Variants in KANK1 observed in about 807,000 individuals in gnomAD.
KANK1 encodes KN motif and ankyrin repeat domains 1, also known as KN motif and ankyrin repeat domain-containing protein 1.
In KANK1, 109 loss-of-function variants were observed where a neutral mutation model predicts 106.2. That is an observed-to-expected ratio of 1.03 (90% confidence interval 0.88 to 1.20). The LOEUF is 1.20. KANK1 is among the 50% of genes most tolerant of loss of function. KANK1 has a pLI of 0.00. For missense variants in KANK1, 2,399 were observed against 1,710.7 expected (o/e 1.40, Z -7.10); for synonymous variants, 873 against 652.2 (o/e 1.34, Z -5.16).
At chr9:653,451 A>C (rs770039075) in intron 1 of KANK1, among the ~76,000 whole-genome samples, 1 of 152,144 alleles carries the variant, frequency 6.6e-6, no homozygotes, top group Non-Finnish European at 1.5e-5. Context: ...GATTAAATTA[A>C]TAGGACTTTT....
Position 734,774 on chromosome 9 carries a change from C to G in KANK1, c.3272C>G (p.Ser1091Cys). Residue 1091 changes from serine (S) to cysteine (C), a missense_variant, in exon 7 of 12, where the codon TCT becomes TGT. Physicochemically the swap from Ser to Cys is moderately radical, Grantham distance 112. Coordinates refer to ENST00000382297, the MANE Select transcript of KANK1 (RefSeq NM_015158.5). Reference protein sequence around the residue: ...ERYELSEKMLSACNLLKNTIN... With the variant: ...ERYELSEKMLCACNLLKNTIN... Reference sequence around the variant, plus strand: ...TATGAATTAAGTGAAAAGATGTTGTCTGCATGCAACTTACTGAAAAATACT... The same window carrying G: ...TATGAATTAAGTGAAAAGATGTTGTGTGCATGCAACTTACTGAAAAATACT... 1 of 1,613,108 alleles carries G rather than the reference C, an allele frequency of 6.2e-7. No individual in the cohort carries two copies. The highest frequency in any genetic ancestry group is 1.1e-5 in the South Asian group (1 of 91,058).
chr9:730,274 GGC>G lies in KANK1; in HGVS notation c.2896+27_2896+28del, dbSNP rs561574315. 1.5e-4 allele frequency: 246 copies of G among 1,610,124 alleles called. No homozygotes were observed. In the East Asian group the frequency reaches 5.0e-3, roughly 33 times the overall value. ...GTAACTTTTCTCACTCACAGTCATT[GGC>G]ATCAGGATTCTAGGGCCAGCATTGC... On this transcript the variant is annotated intron_variant, in intron 4 of 11. Transcript: ENST00000382297.
chr9:554,705 A>C (rs1002339271), intron 1 of KANK1, among the ~76,000 whole-genome samples: 1 of 152,224 alleles, frequency 6.6e-6, no homozygotes, highest in Non-Finnish European at 1.5e-5. Flanking sequence ...TAGGAATGCT[A>C]TGTTTTCTAG....
intron 7 of KANK1, among the ~76,000 whole-genome samples, chr9:735,531 G>A (rs971652286): frequency 2.0e-5 from 3 of 152,208 alleles, no homozygotes; most frequent in Non-Finnish European, 4.4e-5. Context: ...TAACCCCCTG[G>A]TTGACAGCTG....
chr9:486,468 G>A (rs1361745535), intron 3 of KANK1, among the ~76,000 whole-genome samples: 1 of 151,976 alleles, frequency 6.6e-6, no homozygotes, highest in Admixed American at 6.6e-5. Context: ...TGCCTTATGG[G>A]GTAGGTATTA....
intron 3 of KANK1, among the ~76,000 whole-genome samples, chr9:495,911 G>A (rs1554721210): frequency 6.6e-6 from 1 of 152,060 alleles, no homozygotes; most frequent in Non-Finnish European, 1.5e-5. Context: ...CCTTGCTGAG[G>A]AAGAAAAGCT....
rs561346373 is a variant in KANK1, at chr9:631,312, C to G, written c.-83-45578C>G. Among the ~76,000 whole-genome samples, 13 of 152,238 alleles carry G rather than the reference C, an allele frequency of 8.5e-5. No homozygotes were observed. In the South Asian group the frequency reaches 2.7e-3, roughly 32 times the overall value. The stretch of plus-strand genomic sequence containing the variant: ...AAATGCTGTGCGGCCTCATTAGCAC[C>G]CCAGGATTTGTGGGGCTCCCCCTGG... On this transcript the variant is annotated intron_variant, in intron 1 of 11. Coordinates refer to ENST00000382297, the MANE Select transcript of KANK1 (RefSeq NM_015158.5).
chr9:562,561 C>T (rs1289503499), intron 1 of KANK1, among the ~76,000 whole-genome samples: 1 of 152,190 alleles, frequency 6.6e-6, no homozygotes, highest in South Asian at 2.1e-4. Context: ...TCCAGCTTCA[C>T]TGCTTGAGTA....
rs2061110191 is a variant in KANK1, at chr9:549,070, A to G, written c.-84+44316A>G. The stretch of plus-strand genomic sequence containing the variant: ...ATTATAATTCCACCAATAATTCTAA[A>G]GTTTCTTTTCTTTTTTTTTTTCTAC... On this transcript the variant is annotated intron_variant, in intron 1 of 11. Transcript: ENST00000382297. 2.0e-5 allele frequency: 3 copies of G among 152,248 alleles called. No homozygotes were observed. In the South Asian group the frequency reaches 6.2e-4, roughly 32 times the overall value. The allele number at this position is 152,248 out of a possible 1,614,324, so 9.4% of individuals were successfully genotyped here. A position where few individuals can be genotyped will look rare whatever the true frequency, so the allele number is the denominator to read the frequency against.
intron 3 of KANK1, among the ~76,000 whole-genome samples, chr9:715,330 AG>A (rs1205085332): frequency 6.8e-6 from 1 of 148,040 alleles, no homozygotes; most frequent in Non-Finnish European, 1.5e-5. Context: ...TCATGATGTC[AG>A]ATGAAGTCAA....
intron 1 of KANK1, among the ~76,000 whole-genome samples, chr9:529,526 A>T (rs556964709): frequency 6.6e-6 from 1 of 151,952 alleles, no homozygotes; most frequent in Admixed American, 6.6e-5. Flanking sequence ...ATGTGTGTAT[A>T]TGATCATATT....
chr9:701,562 A>C (rs190164398), intron 2 of KANK1, among the ~76,000 whole-genome samples: 25 of 152,262 alleles, frequency 1.6e-4, no homozygotes, highest in African/African-American at 5.8e-4. Flanking sequence ...GTGCATGGCA[A>C]AATGTGTGCA....
rs1279507753 is a variant in KANK1 at position 508,141 on chromosome 9, T to G, written c.-84+3387T>G. On this transcript the variant is annotated intron_variant, in intron 1 of 11. Coordinates refer to ENST00000382297, the MANE Select transcript of KANK1 (RefSeq NM_015158.5). ...TCAGCCTTTTTTTTTTTTTTTTTTT[T>G]TTTTTTTTTTTTTTGAGATGGAGTT... Among the ~76,000 whole-genome samples, 58 of 133,634 alleles carry G rather than the reference T, an allele frequency of 4.3e-4. 2 individuals are homozygous for G. The highest frequency in any genetic ancestry group is 1.4e-3 in the African/African-American group (48 of 34,666). 87.7% of individuals were successfully genotyped at this position (133,634 alleles called of 152,430 possible). A position where few individuals can be genotyped will look rare whatever the true frequency, so the allele number is the denominator to read the frequency against.
At chr9:604,287 G>A (rs1348527778) in intron 1 of KANK1, among the ~76,000 whole-genome samples, 1 of 151,672 alleles carries the variant, frequency 6.6e-6, no homozygotes, top group Non-Finnish European at 1.5e-5. Context: ...ATGTGGTTTG[G>A]CTGTGTGTCC....
intron 8 of KANK1, 149 bp downstream of exon 8, chr9:738,653 T>G: frequency 1.5e-6 from 1 of 663,092 alleles, no homozygotes; most frequent in Non-Finnish European, 2.6e-6. Flanking sequence ...AGAATTTTCT[T>G]GAGTCATTCA....
At chr9:735,598 C>G (rs2131949538) in intron 7 of KANK1, 1 of 197,850 alleles carries the variant, frequency 5.1e-6, no homozygotes, top group African/African-American at 2.3e-5. Context: ...CCGAAATGCA[C>G]AGATACTCAA....
intron 1 of KANK1, among the ~76,000 whole-genome samples, chr9:652,251 C>T (rs74307570): frequency 0.18 from 27,620 of 151,988 alleles, 2,767 homozygotes; most frequent in East Asian, 0.32. Flanking sequence ...CCAGGTGCGA[C>T]GGTTTACTCC....
At chr9:657,971 A>C (rs939230747) in intron 1 of KANK1, among the ~76,000 whole-genome samples, 1 of 152,028 alleles carries the variant, frequency 6.6e-6, no homozygotes, top group Non-Finnish European at 1.5e-5. Flanking sequence ...ATAGCTCACT[A>C]CAGCCTCGAA....
intron 8 of KANK1, among the ~76,000 whole-genome samples, chr9:739,004 C>T (rs1834586838): frequency 1.3e-5 from 2 of 152,170 alleles, no homozygotes; most frequent in African/African-American, 4.8e-5. Context: ...GTCAAATGAT[C>T]ACCATTCTCA....
Sources: allele counts gnomAD v4.1 joint callset (sites outside exome capture counted in the v4.1 genomes callset), GRCh38; gene constraint gnomAD v4.1.1; transcripts MANE v1.5; gene names NCBI Gene and HGNC (gene_info 2026-07-23, HGNC 2026-07-21).